VAV2: variants seen among roughly 807,000 people sequenced by gnomAD.
The protein encoded by VAV2 is guanine nucleotide exchange factor VAV2.
Under a neutral mutation model 132.5 loss-of-function variants are expected in VAV2, and 67 were observed. The observed-to-expected ratio is 0.51, with a 90% CI of 0.42 to 0.62. The LOEUF (loss-of-function observed/expected upper bound fraction) is 0.62, where lower values mean the gene tolerates loss of function less well. VAV2 is among the 20% of genes least tolerant of loss of function. The pLI is 0.00. For missense variants in VAV2, 938 were observed against 1,153.6 expected, an observed-to-expected ratio of 0.81 and a Z score of 2.71; for synonymous variants, 492 against 443.5, an observed-to-expected ratio of 1.11 and a Z score of -1.37.
intron 10 of VAV2, 147 bp downstream of exon 10, chr9:133,797,561 AAG>A (rs1721332983): frequency 4.1e-6 from 3 of 732,632 alleles, no homozygotes; most frequent in Non-Finnish European, 4.4e-6. Flanking sequence ...CAATGCAAAA[AAG>A]AAAAATCTAC....
At chr9:133,902,013 T>C (rs2810493) in intron 2 of VAV2, among the ~76,000 whole-genome samples, 101,232 of 151,860 alleles carry the variant, frequency 0.67, 35,382 homozygotes, top group East Asian at 0.93. Flanking sequence ...CTGTGGATGC[T>C]CCGAGCCTCC....
intron 2 of VAV2, among the ~76,000 whole-genome samples, chr9:133,909,762 G>A (rs759549544): frequency 2.6e-5 from 4 of 152,168 alleles, no homozygotes; most frequent in Non-Finnish European, 4.4e-5. Context: ...TCCTCTATTT[G>A]GAAACTGCGC....
chr9:133,979,869 G>A (rs528952208), intron 1 of VAV2, among the ~76,000 whole-genome samples: 54 of 152,342 alleles, frequency 3.5e-4, no homozygotes, highest in South Asian at 3.1e-3. Context: ...GCCTGCCGGC[G>A]TCACCTGAAG....
chr9:133,791,152 C>G (rs944883986), intron 13 of VAV2, among the ~76,000 whole-genome samples: 1 of 152,176 alleles, frequency 6.6e-6, no homozygotes, highest in Non-Finnish European at 1.5e-5. Context: ...GAAGTCGGCT[C>G]CGGTCAGCAC....
intron 2 of VAV2, among the ~76,000 whole-genome samples, chr9:133,873,286 G>C (rs1035541052): frequency 1.3e-5 from 2 of 152,164 alleles, no homozygotes; most frequent in African/African-American, 4.8e-5. Context: ...CTGGGATCAA[G>C]TCCTAAGCCT....
intron 2 of VAV2, among the ~76,000 whole-genome samples, chr9:133,902,834 G>C (rs918909126): frequency 6.6e-6 from 1 of 152,186 alleles, no homozygotes; most frequent in Non-Finnish European, 1.5e-5. Context: ...CACTTTGGGA[G>C]GCCAAGACAG....
At chr9:133,836,400 C>T (rs1222305462) in intron 3 of VAV2, among the ~76,000 whole-genome samples, 1 of 152,238 alleles carries the variant, frequency 6.6e-6, no homozygotes, top group Non-Finnish European at 1.5e-5. Flanking sequence ...TCCCTGTCTC[C>T]AACCTCGTCA....
intron 1 of VAV2, among the ~76,000 whole-genome samples, chr9:133,979,398 G>C (rs566430697): frequency 6.6e-6 from 1 of 152,146 alleles, no homozygotes; most frequent in African/African-American, 2.4e-5. Flanking sequence ...TGTGTCGGCC[G>C]CTCAGTGCCC....
chr9:133,959,416 T>C (rs979717983), intron 1 of VAV2, among the ~76,000 whole-genome samples: 1 of 152,072 alleles, frequency 6.6e-6, no homozygotes, highest in African/African-American at 2.4e-5. Flanking sequence ...CTTCCCAGGG[T>C]GACCACCTCT....
At position 133,918,857 on chromosome 9, in the gene VAV2, C is replaced by G. The variant is rs946269222; in HGVS notation, c.321+20246G>C. ...GTGGTGCGATCTCGGCTCACTGCAA[C>G]CTCCGCCTCCTGGGTTCAAGCGATT... On this transcript the variant is annotated intron_variant, in intron 2 of 29. Coordinates refer to ENST00000371850, the MANE Select transcript of VAV2 (RefSeq NM_001134398.2). This position sits in a 1 kb window ranked among gnomAD's most constrained non-coding sequence, Gnocchi z 4.7. Among the ~76,000 whole-genome samples the G allele has an allele frequency of 6.6e-6, 1 of 152,050 alleles. No homozygotes were observed. Among genetic ancestry groups the G allele is most frequent in the Admixed American group, 6.6e-5 (1 of 15,266 alleles).
At chr9:133,887,860 G>A (rs1838776621) in intron 2 of VAV2, among the ~76,000 whole-genome samples, 1 of 151,920 alleles carries the variant, frequency 6.6e-6, no homozygotes, top group Non-Finnish European at 1.5e-5. Flanking sequence ...CTCCTGCGTG[G>A]CCAGCCTCCT....
At chr9:133,855,960 A>C (rs1308480172) in intron 3 of VAV2, among the ~76,000 whole-genome samples, 1 of 152,208 alleles carries the variant, frequency 6.6e-6, no homozygotes, top group East Asian at 1.9e-4. Flanking sequence ...CACACACTGG[A>C]ATGTTCCACG....
At chr9:133,854,968 C>T (rs1330212779) in intron 3 of VAV2, among the ~76,000 whole-genome samples, 1 of 152,090 alleles carries the variant, frequency 6.6e-6, no homozygotes, top group Non-Finnish European at 1.5e-5. Context: ...ATGACTGCCA[C>T]CTTCCGTCCC....
intron 2 of VAV2, among the ~76,000 whole-genome samples, chr9:133,881,074 C>T (rs1838475685): frequency 6.6e-6 from 1 of 152,326 alleles, no homozygotes; most frequent in South Asian, 2.1e-4. Flanking sequence ...GGGGCCATGG[C>T]CCACCCACGT....
In VAV2 at chr9:133,780,004, C is replaced by T. The variant is rs769416220; in HGVS notation, c.1741-65G>A. ...TGCTCTTTGACTGTGGCCCATGCATCAACGCACCCCGCCCTCCCTGTCCCC... is the reference window on the plus strand; with the variant it reads ...TGCTCTTTGACTGTGGCCCATGCATTAACGCACCCCGCCCTCCCTGTCCCC... On this transcript the variant is annotated intron_variant, in intron 20 of 29. Coordinates refer to ENST00000371850, the MANE Select transcript of VAV2 (RefSeq NM_001134398.2). 7 of 1,601,170 alleles carry T rather than the reference C, an allele frequency of 4.4e-6. No individual in the cohort carries two copies. In the Admixed American group the frequency reaches 5.0e-5, roughly 12 times the overall value.
chr9:133,897,777 A>G (rs1206945374), intron 2 of VAV2, among the ~76,000 whole-genome samples: 1 of 152,180 alleles, frequency 6.6e-6, no homozygotes, highest in Non-Finnish European at 1.5e-5. Flanking sequence ...CAGATGCCTG[A>G]AATGTCTGTA....
chr9:133,840,050 G>T lies in VAV2; in HGVS notation c.381-5710C>A, dbSNP rs192854825. On this transcript the variant is annotated intron_variant, in intron 3 of 29. Transcript: ENST00000371850. The surrounding 1 kb of genome is among the most constrained non-coding windows in gnomAD (Gnocchi z 4.5). ...TTTCCTTCCCGCACTTACCCCTAGC[G>T]TCCCCTACCCACACCTTGCCCTGTG... Among the ~76,000 whole-genome samples, 2 of 151,860 alleles carry T rather than the reference G, an allele frequency of 1.3e-5. No individual in the cohort carries two copies. The highest frequency in any genetic ancestry group is 2.9e-5 in the Non-Finnish European group (2 of 67,944).
intron 2 of VAV2, among the ~76,000 whole-genome samples, chr9:133,877,407 G>C (rs1159281800): frequency 6.6e-6 from 1 of 152,168 alleles, no homozygotes; most frequent in Non-Finnish European, 1.5e-5. Context: ...ACACTGCCAG[G>C]AACCTTCTTG....
chr9:133,854,312 C>T (rs1837307573), intron 3 of VAV2, among the ~76,000 whole-genome samples: 1 of 152,158 alleles, frequency 6.6e-6, no homozygotes. Context: ...CACCTGCACA[C>T]ACACCCCCAT....
Sources: allele counts gnomAD v4.1 joint callset (sites outside exome capture counted in the v4.1 genomes callset), GRCh38; gene constraint gnomAD v4.1.1; non-coding constraint Gnocchi (gnomAD v3.1); transcripts MANE v1.5; gene names NCBI Gene and HGNC (gene_info 2026-07-23, HGNC 2026-07-21).